The following BTBD9 variants were observed in gnomAD, a reference collection of about 807,000 sequenced individuals.
The protein encoded by BTBD9 is BTB domain containing 9, also known as BTB/POZ domain-containing protein 9.
BTBD9 carries 49 observed loss-of-function variants against 64.3 expected under a neutral mutation model. The ratio of observed to expected loss-of-function variants is 0.76; its 90% CI spans 0.61 to 0.97. The LOEUF (loss-of-function observed/expected upper bound fraction) is 0.97, where lower values mean the gene tolerates loss of function less well. Among genes scored for constraint, BTBD9 ranks in the 50% least tolerant of loss-of-function variants. The pLI is 0.00. For synonymous variants in BTBD9, 260 were observed against 274.7 expected, an observed-to-expected ratio of 0.95 and a Z score of 0.53; for missense variants, 598 against 762.1, an observed-to-expected ratio of 0.78 and a Z score of 2.53.
chr6:38,396,337 T>C (rs1766671232), intron 6 of BTBD9, among the ~76,000 whole-genome samples: 1 of 152,234 alleles, frequency 6.6e-6, no homozygotes, highest in African/African-American at 2.4e-5. Context: ...ACTATGTCTC[T>C]AAGATTCCCT....
intron 6 of BTBD9, among the ~76,000 whole-genome samples, chr6:38,426,233 C>T (rs771683076): frequency 3.3e-5 from 5 of 152,030 alleles, no homozygotes; most frequent in East Asian, 1.9e-4. Flanking sequence ...CCTTTAAACA[C>T]GGGGCTTGCA....
intron 6 of BTBD9, among the ~76,000 whole-genome samples, chr6:38,485,569 A>G (rs957480026): frequency 3.9e-5 from 6 of 152,238 alleles, no homozygotes; most frequent in African/African-American, 1.4e-4. Flanking sequence ...TACATGGTCA[A>G]TGAGCAGGAA....
At chr6:38,291,090 T>A (rs550669454) in intron 7 of BTBD9, among the ~76,000 whole-genome samples, 5 of 152,332 alleles carry the variant, frequency 3.3e-5, no homozygotes, top group African/African-American at 1.2e-4. Context: ...GATTTCTATG[T>A]ATGTGGAAGT....
chr6:38,420,099 A>G (rs1767838329), intron 6 of BTBD9, among the ~76,000 whole-genome samples: 1 of 152,304 alleles, frequency 6.6e-6, no homozygotes, highest in Non-Finnish European at 1.5e-5. Flanking sequence ...AAAAAAATCA[A>G]TCTTTCTAAG....
At chr6:38,357,763 C>T (rs1250727495) in intron 6 of BTBD9, among the ~76,000 whole-genome samples, 1 of 152,156 alleles carries the variant, frequency 6.6e-6, no homozygotes, top group African/African-American at 2.4e-5. Flanking sequence ...CCATCTTCAG[C>T]CTGAGGGCTA....
At chr6:38,221,148 T>C (rs1763182945) in intron 9 of BTBD9, among the ~76,000 whole-genome samples, 1 of 152,174 alleles carries the variant, frequency 6.6e-6, no homozygotes, top group South Asian at 2.1e-4. Context: ...CCTCTGCCCA[T>C]GTGCAGGTAA....
At chr6:38,317,162 A>AT (rs1763058849) in intron 7 of BTBD9, among the ~76,000 whole-genome samples, 2 of 151,890 alleles carry the variant, frequency 1.3e-5, no homozygotes, top group Admixed American at 1.3e-4. Context: ...TGCTCAGTCC[A>AT]TTTTTGGTAT....
At chr6:38,215,128 A>G (rs1413679523) in intron 9 of BTBD9, among the ~76,000 whole-genome samples, 3 of 152,224 alleles carry the variant, frequency 2.0e-5, no homozygotes, top group Admixed American at 2.0e-4. Context: ...TTCTATTGTC[A>G]GGCTTTAAAA....
intron 2 of BTBD9, among the ~76,000 whole-genome samples, chr6:38,597,474 T>A (rs962848629): frequency 6.6e-6 from 1 of 152,192 alleles, no homozygotes; most frequent in African/African-American, 2.4e-5. Context: ...TGCATACAAG[T>A]GCACGTCTTA....
Position 38,203,777 on chromosome 6 carries a change from A to C in BTBD9, c.1563-11180T>G, listed in dbSNP as rs925925700. ...GTGAAGGTGGAAGGGGGAAATGAAG[A>C]AAGGGGGGTGAATAGGTAGGAATTT... is the stretch of plus-strand genomic sequence containing the variant. On this transcript the variant is annotated intron_variant, in intron 9 of 10. Transcript: ENST00000481247. 6.6e-5 allele frequency among the ~76,000 whole-genome samples: 10 copies of C among 151,504 alleles called. No individual in the cohort carries two copies. In the South Asian group the frequency reaches 2.1e-3, roughly 32 times the overall value.
intron 1 of BTBD9, among the ~76,000 whole-genome samples, chr6:38,622,827 G>A (rs773963641): frequency 1.3e-5 from 2 of 152,154 alleles, no homozygotes; most frequent in Non-Finnish European, 2.9e-5. Flanking sequence ...ATGGCTTGTC[G>A]CCCTGCTTCA....
chr6:38,419,716 C>A (rs1433347619), intron 6 of BTBD9, among the ~76,000 whole-genome samples: 3 of 151,982 alleles, frequency 2.0e-5, no homozygotes, highest in Non-Finnish European at 2.9e-5. Flanking sequence ...ACTAAAAATA[C>A]AAAATTAGCC....
intron 9 of BTBD9, among the ~76,000 whole-genome samples, chr6:38,222,842 A>ATG (rs1763260646): frequency 1.3e-5 from 2 of 152,334 alleles, no homozygotes; most frequent in South Asian, 4.1e-4. Flanking sequence ...GTAGCCTCAC[A>ATG]TGTTCTTTCT....
Position 38,610,918 on chromosome 6 carries a change from G to C in BTBD9, c.-27-12797C>G, listed in dbSNP as rs796899331. On this transcript the variant is annotated intron_variant, in intron 1 of 10. Coordinates refer to ENST00000481247, the MANE Select transcript of BTBD9 (RefSeq NM_001099272.2). The stretch of plus-strand genomic sequence containing the variant: ...GCTTGTAACTGCAAAAAACCGGGGT[G>C]GGGGGGGGACTAAACGTCCATCAAT... Among the ~76,000 whole-genome samples, 14 of 149,440 alleles carry C rather than the reference G, an allele frequency of 9.4e-5. No homozygotes were observed. In the East Asian group the frequency reaches 9.9e-4, roughly 11 times the overall value.
chr6:38,553,687 T>C (rs1320983713), intron 6 of BTBD9, among the ~76,000 whole-genome samples: 4 of 152,140 alleles, frequency 2.6e-5, no homozygotes, highest in South Asian at 2.1e-4. Flanking sequence ...AGCTAAATGA[T>C]AGAACTTAAA....
intron 6 of BTBD9, among the ~76,000 whole-genome samples, chr6:38,420,483 T>C (rs11967345): frequency 0.013 from 1,965 of 152,228 alleles, 47 homozygotes; most frequent in African/African-American, 0.045. Context: ...AACAGTAGGA[T>C]TTCTCAAAAT....
At chr6:38,622,293 A>T (rs2127524447) in intron 1 of BTBD9, among the ~76,000 whole-genome samples, 1 of 152,320 alleles carries the variant, frequency 6.6e-6, no homozygotes, top group East Asian at 1.9e-4. Context: ...GGATTTCAAT[A>T]CTATGTTAGT....
chr6:38,439,298 T>G (rs1005329783), intron 6 of BTBD9, among the ~76,000 whole-genome samples: 1 of 150,144 alleles, frequency 6.7e-6, no homozygotes, highest in Non-Finnish European at 1.5e-5. Context: ...TAATTTTTTT[T>G]TGTATTTTCA....
chr6:38,621,184 C>T (rs1480449218), intron 1 of BTBD9, among the ~76,000 whole-genome samples: 1 of 152,190 alleles, frequency 6.6e-6, no homozygotes, highest in East Asian at 1.9e-4. Flanking sequence ...CTGGACTACT[C>T]ATGATGTAAA....
Sources: gnomAD v4.1 joint callset for allele counts (sites outside exome capture counted in the v4.1 genomes callset) on GRCh38, gnomAD v4.1.1 for gene constraint, MANE v1.5 for transcripts, NCBI Gene and HGNC (gene_info 2026-07-23, HGNC 2026-07-21) for gene names.